Variants in DNAJC17 observed in about 807,000 individuals in gnomAD.
DNAJC17 encodes dnaJ homolog subfamily C member 17.
In DNAJC17, 35 loss-of-function variants were observed where a neutral mutation model predicts 48.1. The observed-to-expected ratio is 0.73, with a 90% CI of 0.56 to 0.96. The LOEUF is 0.96. DNAJC17 is among the 50% of genes least tolerant of loss of function. DNAJC17 has a pLI of 0.00. For synonymous variants in DNAJC17, 117 were observed against 142.7 expected, an observed-to-expected ratio of 0.82 and a Z score of 1.28; for missense variants, 355 against 377.1, an observed-to-expected ratio of 0.94 and a Z score of 0.48.
At chr15:40,771,758 T>C (rs1308237424) in intron 10 of DNAJC17, 3 of 167,414 alleles carry the variant, frequency 1.8e-5, no homozygotes, top group Non-Finnish European at 4.4e-5. Context: ...AAAGTTCTAA[T>C]GGACAGCGCT....
At chr15:40,781,774 T>C (rs2141953279) in intron 1 of DNAJC17, among the ~76,000 whole-genome samples, 1 of 149,064 alleles carries the variant, frequency 6.7e-6, no homozygotes, top group Non-Finnish European at 1.5e-5. Context: ...ACAAAAAAAT[T>C]AGCCAGGCAT....
intron 1 of DNAJC17, chr15:40,806,943 T>G: frequency 1.7e-5 from 5 of 299,990 alleles, no homozygotes; most frequent in East Asian, 7.5e-5. Context: ...GGAGAGGCTT[T>G]GAGATCTTAC....
chr15:40,769,819 C>G lies in DNAJC17; in HGVS notation c.793-1757G>C, dbSNP rs955874061. On this transcript the variant is annotated intron_variant, in intron 10 of 10. Transcript: ENST00000220496. This position sits in a 1 kb window ranked among gnomAD's most constrained non-coding sequence, Gnocchi z 4.2. ...CACATAAAGCAGGGCTGCCCCCACA[C>G]GAGTCCCCAGAGGAATCTTAAGCTC... The G allele has an allele frequency of 6.6e-6, 1 of 152,414 alleles. No individual in the cohort carries two copies. The highest frequency in any genetic ancestry group is 6.5e-5 in the Admixed American group (1 of 15,280). 9.4% of individuals were successfully genotyped at this position (152,414 alleles called of 1,614,324 possible).
intron 1 of DNAJC17, among the ~76,000 whole-genome samples, chr15:40,793,558 A>G (rs747987619): frequency 2.0e-5 from 3 of 152,056 alleles, no homozygotes; most frequent in Non-Finnish European, 2.9e-5. Context: ...ATTGAGAATC[A>G]CTGATTTGCT....
At chr15:40,775,733 G>T in intron 6 of DNAJC17, 137 bp from the exon 7 acceptor site, 1 of 850,992 alleles carries the variant, frequency 1.2e-6, no homozygotes, top group Non-Finnish European at 1.9e-6. Flanking sequence ...GCTCTGGTGA[G>T]GGCCTGGTGG....
intron 4 of DNAJC17, 66 bp from the exon 5 acceptor site, chr15:40,776,693 C>A (rs1889337407): frequency 6.5e-7 from 1 of 1,536,090 alleles, no homozygotes; most frequent in Non-Finnish European, 9.0e-7. Flanking sequence ...TCGGCCCACC[C>A]CAGCTCTGGC....
At chr15:40,805,871 AAAT>A (rs1303791494) in intron 1 of DNAJC17, among the ~76,000 whole-genome samples, 1 of 151,826 alleles carries the variant, frequency 6.6e-6, no homozygotes, top group Non-Finnish European at 1.5e-5. Flanking sequence ...AGAATTTAAA[AAAT>A]AATAATTTGT....
rs1301812507 is a variant in DNAJC17, at chr15:40,770,462, C to G, written c.793-2400G>C. On this transcript the variant is annotated intron_variant, in intron 10 of 10. Transcript: ENST00000220496. The surrounding 1 kb of genome is among the most constrained non-coding windows in gnomAD (Gnocchi z 5.0). ...AGGGACCACATGCACCCTGGCTGCT[C>G]CTGAACACCTGTCTGCTGGCTCCCC... The G allele has an allele frequency of 6.6e-7, 1 of 1,525,728 alleles. No individual in the cohort carries two copies. The highest frequency in any genetic ancestry group is 2.4e-5 in the East Asian group (1 of 40,830). The allele number at this position is 1,525,728 out of a possible 1,614,324, so 94.5% of individuals were successfully genotyped here.
chr15:40,807,046 C>T (rs984915575), intron 1 of DNAJC17: 3 of 579,934 alleles, frequency 5.2e-6, no homozygotes, highest in African/African-American at 3.8e-5. Context: ...AAGGCAGAAG[C>T]GGAAACGGAG....
Position 40,767,837 on chromosome 15 carries a change from A to G in DNAJC17, c.*103T>C. ...GGAGCGCTCTGCGGCAGAGCCCAGC[A>G]CCTTATACCTATGTATGGGATAGAG... is the stretch of plus-strand genomic sequence containing the variant. On this transcript the variant is annotated 3_prime_UTR_variant, in exon 11 of 11. Transcript: ENST00000220496. 1 of 1,503,698 alleles carries G rather than the reference A, an allele frequency of 6.7e-7. No homozygotes were observed. The highest frequency in any genetic ancestry group is 8.9e-7 in the Non-Finnish European group (1 of 1,124,688). 93.1% of individuals were successfully genotyped at this position (1,503,698 alleles called of 1,614,324 possible).
At chr15:40,771,175 A>G in intron 10 of DNAJC17, 1 of 747,546 alleles carries the variant, frequency 1.3e-6, no homozygotes, top group East Asian at 2.7e-5. Flanking sequence ...ATAGGAATCC[A>G]GGGCTCTGCC....
rs1282184040 is a variant in DNAJC17 at position 40,766,859 on chromosome 15, GCCT to G, written c.*1078_*1080del. 1.9e-4 allele frequency: 32 copies of G among 164,958 alleles called. No homozygotes were observed. In the East Asian group the frequency reaches 5.2e-3, roughly 27 times the overall value. The allele number at this position is 164,958 out of a possible 1,614,324, so 10.2% of individuals were successfully genotyped here. The stretch of plus-strand genomic sequence containing the variant: ...GCAATCATGGCTCACTGCAGCCTCA[GCCT>G]CCTCCTACCTGGAAGCCTGGGTGGG... On this transcript the variant is annotated 3_prime_UTR_variant, in exon 11 of 11. Transcript: ENST00000220496.
chr15:40,800,706 G>C (rs1040523539), intron 1 of DNAJC17, among the ~76,000 whole-genome samples: 5 of 149,846 alleles, frequency 3.3e-5, no homozygotes, highest in Admixed American at 6.7e-5. Context: ...AAAAAGGTCA[G>C]CTGGGCACGG....
At chr15:40,794,388 T>C (rs1889893332) in intron 1 of DNAJC17, among the ~76,000 whole-genome samples, 1 of 149,438 alleles carries the variant, frequency 6.7e-6, no homozygotes, top group Non-Finnish European at 1.5e-5. Flanking sequence ...CCTGTTACTT[T>C]CGGCTGGGCA....
chr15:40,766,855 C>T lies in DNAJC17; in HGVS notation c.*1085G>A, dbSNP rs894259822. On this transcript the variant is annotated 3_prime_UTR_variant, in exon 11 of 11. Coordinates refer to ENST00000220496, the MANE Select transcript of DNAJC17 (RefSeq NM_018163.3). ...TGGTGCAATCATGGCTCACTGCAGC[C>T]TCAGCCTCCTCCTACCTGGAAGCCT... 2 of 163,570 alleles carry T rather than the reference C, an allele frequency of 1.2e-5. No individual in the cohort carries two copies. The highest frequency in any genetic ancestry group is 4.8e-5 in the African/African-American group (2 of 41,922). The allele number at this position is 163,570 out of a possible 1,614,324, so 10.1% of individuals were successfully genotyped here.
intron 1 of DNAJC17, chr15:40,806,963 G>C (rs1310612404): frequency 5.5e-6 from 2 of 366,926 alleles, no homozygotes; most frequent in Non-Finnish European, 1.0e-5. Context: ...CTTTTCTTTC[G>C]TTCTAGGCTC....
chr15:40,782,743 A>C (rs1889537003), intron 1 of DNAJC17, among the ~76,000 whole-genome samples: 1 of 152,258 alleles, frequency 6.6e-6, no homozygotes, highest in African/African-American at 2.4e-5. Context: ...CAAGGTGAGC[A>C]CCTGCTGGGC....
intron 3 of DNAJC17, 115 bp downstream of exon 3, chr15:40,779,430 C>T (rs1370897916): frequency 3.2e-6 from 5 of 1,561,248 alleles, no homozygotes; most frequent in African/African-American, 1.4e-5. Context: ...ACTGGGTCTC[C>T]TGGGCTTAGA....
At chr15:40,805,657 C>T (rs1350651432) in intron 1 of DNAJC17, among the ~76,000 whole-genome samples, 2 of 151,190 alleles carry the variant, frequency 1.3e-5, no homozygotes, top group Non-Finnish European at 2.9e-5. Context: ...GGTGAAACCC[C>T]GTCTCTACTA....
Sources: allele counts gnomAD v4.1 joint callset (sites outside exome capture counted in the v4.1 genomes callset), GRCh38; gene constraint gnomAD v4.1.1; non-coding constraint Gnocchi (gnomAD v3.1); transcripts MANE v1.5; gene names NCBI Gene and HGNC (gene_info 2026-07-23, HGNC 2026-07-21).